The following TPPP variants were observed in gnomAD, a reference collection of about 807,000 sequenced individuals.
TPPP encodes tubulin polymerization-promoting protein.
Under a neutral mutation model 15.5 loss-of-function variants are expected in TPPP, and 6 were observed. The ratio of observed to expected loss-of-function variants is 0.39; its 90% CI spans 0.21 to 0.77. The LOEUF is 0.77. Ranked by LOEUF, TPPP falls within the 30% of genes least tolerant of loss-of-function variation. The probability of loss-of-function intolerance (pLI) is 0.42; values close to 1 mark genes in which losing one functional copy is unlikely to be tolerated. For missense variants in TPPP, 269 were observed against 307.2 expected (o/e 0.88, Z 0.93); for synonymous variants, 146 against 133.9 (o/e 1.09, Z -0.63).
chr5:699,140 T>C, the TPPP span, among the ~76,000 whole-genome samples: 1 of 151,902 alleles, frequency 6.6e-6, no homozygotes, highest in African/African-American at 2.4e-5. Flanking sequence ...AAAAAAATCC[T>C]AAAATTCACA....
chr5:667,727 G>A (rs974030832), intron 2 of TPPP, among the ~76,000 whole-genome samples: 7 of 152,184 alleles, frequency 4.6e-5, no homozygotes, highest in African/African-American at 7.2e-5. Context: ...GTGAAAAGAC[G>A]GGCAGAATAT....
intron 1 of TPPP, among the ~76,000 whole-genome samples, chr5:679,037 C>T (rs1298797677): frequency 6.6e-6 from 1 of 152,180 alleles, no homozygotes; most frequent in Non-Finnish European, 1.5e-5. Flanking sequence ...GCACTGAGAG[C>T]TGAACATGGC....
Position 662,534 on chromosome 5 carries a change from C to G in TPPP, c.*2568G>C, listed in dbSNP as rs72707008. ...AACCCGCCCTTCCCTCCGTCCTGAC[C>G]CGGCGCCAGGCTCAGCTCCAGGGCG... On this transcript the variant is annotated 3_prime_UTR_variant, in exon 4 of 4. Coordinates refer to ENST00000360578, the MANE Select transcript of TPPP (RefSeq NM_007030.3). The G allele has an allele frequency of 6.6e-6, 1 of 152,486 alleles. No homozygotes were observed. Among genetic ancestry groups the G allele is most frequent in the Non-Finnish European group, 1.5e-5 (1 of 68,206 alleles). The allele number at this position is 152,486 out of a possible 1,614,324, so 9.4% of individuals were successfully genotyped here.
At chr5:675,244 A>C (rs931397955) in intron 2 of TPPP, among the ~76,000 whole-genome samples, 3 of 9,684 alleles carry the variant, frequency 3.1e-4, no homozygotes, top group Admixed American at 1.4e-3. Flanking sequence ...GGTGCAGTGC[A>C]GGGGGTACAG....
chr5:669,020 A>G (rs1373976080), intron 2 of TPPP, among the ~76,000 whole-genome samples: 1 of 152,220 alleles, frequency 6.6e-6, no homozygotes, highest in Non-Finnish European at 1.5e-5. Flanking sequence ...CACAACAGAC[A>G]CCATCAACAG....
At chr5:693,656 C>T (rs1196524458), upstream of TPPP, among the ~76,000 whole-genome samples, 1 of 151,676 alleles carries the variant, frequency 6.6e-6, no homozygotes, top group Non-Finnish European at 1.5e-5. Context: ...GGCCCCTCAC[C>T]TGGCTCTGGG....
chr5:683,149 C>T (rs966477376), intron 1 of TPPP, among the ~76,000 whole-genome samples: 1 of 152,182 alleles, frequency 6.6e-6, no homozygotes, highest in Non-Finnish European at 1.5e-5. Flanking sequence ...AGAGCTCGCT[C>T]GCAGGCAAGT....
intron 2 of TPPP, among the ~76,000 whole-genome samples, chr5:670,585 G>A (rs1740184680): frequency 6.6e-6 from 1 of 152,096 alleles, no homozygotes; most frequent in South Asian, 2.1e-4. Context: ...TTCTGGGGAG[G>A]TTCCTACCTG....
the TPPP span, among the ~76,000 whole-genome samples, chr5:699,069 T>C: frequency 6.6e-6 from 1 of 152,008 alleles, no homozygotes; most frequent in East Asian, 1.9e-4. Flanking sequence ...TCAATATTGT[T>C]AAAAATTATC....
intron 2 of TPPP, among the ~76,000 whole-genome samples, chr5:672,622 G>A (rs1239361132): frequency 6.6e-6 from 1 of 152,220 alleles, no homozygotes; most frequent in Non-Finnish European, 1.5e-5. Context: ...GGCAGCAGCT[G>A]AGCCTGACCC....
chr5:684,143 G>A (rs1444104023), intron 1 of TPPP, among the ~76,000 whole-genome samples: 4 of 152,212 alleles, frequency 2.6e-5, no homozygotes, highest in African/African-American at 9.6e-5. Flanking sequence ...AATGTCCCAC[G>A]GCCACAGTTT....
At chr5:680,277 G>T (rs1454138315) in intron 1 of TPPP, among the ~76,000 whole-genome samples, 1 of 114,706 alleles carries the variant, frequency 8.7e-6, no homozygotes, top group African/African-American at 4.2e-5. Context: ...AAGGAACAGG[G>T]GTCAGGCCAT....
chr5:694,441 T>C (rs1350843545), upstream of TPPP, among the ~76,000 whole-genome samples: 10 of 123,730 alleles, frequency 8.1e-5, no homozygotes, highest in African/African-American at 2.3e-4. Flanking sequence ...CTGCACCAGG[T>C]GTCCAGCAGG....
intron 2 of TPPP, among the ~76,000 whole-genome samples, chr5:668,220 G>C (rs1440297834): frequency 9.7e-6 from 1 of 103,130 alleles, no homozygotes; most frequent in African/African-American, 4.0e-5. Context: ...CAAGCACACA[G>C]AGAGGGGGCC....
rs113366310 is a variant in TPPP at position 668,984 on chromosome 5, T to C, written c.312-2861A>G. The stretch of plus-strand genomic sequence containing the variant: ...TTTAAACAGCACCTGAGGGTTCCCA[T>C]ACACTTTACACGCGTGTCCTAAAGA... On this transcript the variant is annotated intron_variant, in intron 2 of 3. Transcript: ENST00000360578. Among the ~76,000 whole-genome samples the C allele has an allele frequency of 2.6e-5, 4 of 152,160 alleles. No homozygotes were observed. In the East Asian group the frequency reaches 7.7e-4, roughly 29 times the overall value.
chr5:679,956 A>C (rs442289), intron 1 of TPPP, among the ~76,000 whole-genome samples: 2 of 70,488 alleles, frequency 2.8e-5, no homozygotes, highest in African/African-American at 1.1e-4. Context: ...TCCTGCCCTC[A>C]TGAGGCCTTC....
intron 1 of TPPP, among the ~76,000 whole-genome samples, chr5:681,999 G>A (rs1740637417): frequency 1.3e-5 from 2 of 151,978 alleles, no homozygotes; most frequent in South Asian, 4.2e-4. Context: ...CCCACAGGCT[G>A]TCCCTGTTCC....
In TPPP at chr5:676,983, C is replaced by CT. The variant is rs542145875; in HGVS notation, c.311+766_311+767insA. 9.7e-5 allele frequency among the ~76,000 whole-genome samples: 11 copies of CT among 113,732 alleles called. No homozygotes were observed. In the East Asian group the frequency reaches 2.0e-3, roughly 21 times the overall value. 74.6% of individuals were successfully genotyped at this position (113,732 alleles called of 152,430 possible). The stretch of plus-strand genomic sequence containing the variant: ...CGTGCACACAGAAACGCACACACGA[C>CT]GCAGAAACGCGCACACGTGCACACG... On this transcript the variant is annotated intron_variant, in intron 2 of 3. Transcript: ENST00000360578.
chr5:675,561 G>C (rs1740402454), intron 2 of TPPP, among the ~76,000 whole-genome samples: 1 of 133,076 alleles, frequency 7.5e-6, no homozygotes, highest in Non-Finnish European at 1.7e-5. Flanking sequence ...GGGGTGCAGT[G>C]TGGCTGGGGG....
Sources: gnomAD v4.1 joint callset for allele counts (sites outside exome capture counted in the v4.1 genomes callset) on GRCh38, gnomAD v4.1.1 for gene constraint, MANE v1.5 for transcripts, NCBI Gene and HGNC (gene_info 2026-07-23, HGNC 2026-07-21) for gene names.